Variants in CSMD1 observed in about 807,000 individuals in gnomAD.
CSMD1 encodes CUB and Sushi multiple domains 1, also known as CUB and sushi domain-containing protein 1.
CSMD1 carries 213 observed loss-of-function variants against 417.5 expected under a neutral mutation model. The observed-to-expected ratio is 0.51, with a 90% CI of 0.46 to 0.57. The LOEUF is 0.57. Among genes scored for constraint, CSMD1 ranks in the 20% least tolerant of loss-of-function variants. The pLI is 0.00. For synonymous variants in CSMD1, 2,862 were observed against 1,736.8 expected (o/e 1.65, Z -16.11); for missense variants, 6,923 against 4,529.7 (o/e 1.53, Z -15.17).
chr8:3,952,700 A>C (rs1811670681), intron 5 of CSMD1, among the ~76,000 whole-genome samples: 1 of 152,234 alleles, frequency 6.6e-6, no homozygotes, highest in Admixed American at 6.5e-5. Context: ...AGCATTGTGA[A>C]TACACTAGAT....
intron 3 of CSMD1, among the ~76,000 whole-genome samples, chr8:4,332,345 A>T (rs1291599343): frequency 6.6e-6 from 1 of 152,084 alleles, no homozygotes; most frequent in African/African-American, 2.4e-5. Flanking sequence ...AAAACGCTGA[A>T]AAAGGAAGAC....
At chr8:3,291,052 C>G (rs988809102) in intron 25 of CSMD1, among the ~76,000 whole-genome samples, 15 of 152,130 alleles carry the variant, frequency 9.9e-5, no homozygotes, top group Admixed American at 2.6e-4. Context: ...TGAATTTTGT[C>G]AAAGGCCTTT....
chr8:4,164,090 TATC>T (rs1797318411), intron 3 of CSMD1, among the ~76,000 whole-genome samples: 1 of 147,716 alleles, frequency 6.8e-6, no homozygotes, highest in South Asian at 2.2e-4. Context: ...CTCCAATACT[TATC>T]ATGTTTTTAA....
chr8:3,669,889 C>G (rs1164680800), intron 7 of CSMD1, among the ~76,000 whole-genome samples: 1 of 152,110 alleles, frequency 6.6e-6, no homozygotes, highest in Non-Finnish European at 1.5e-5. Context: ...GCACCTCCTT[C>G]CTTCTTCTTT....
rs57382543 is a variant in CSMD1 at position 3,155,357 on chromosome 8, G to C, written c.5914+2540C>G. ...ATTTTTTCCTTCCAAATCAAGGCTG[G>C]GATTTTTTTTTTTTTTTTTTTTTTT... is the stretch of plus-strand genomic sequence containing the variant. On this transcript the variant is annotated intron_variant, in intron 39 of 69. Transcript: ENST00000635120. 6.5e-3 allele frequency among the ~76,000 whole-genome samples: 385 copies of C among 59,130 alleles called. 20 individuals carry two copies. The South Asian group carries it at 0.1, about 16-fold the overall frequency. The allele number at this position is 59,130 out of a possible 152,430, so 38.8% of individuals were successfully genotyped here.
At chr8:3,383,434 G>C (rs553756938) in intron 18 of CSMD1, among the ~76,000 whole-genome samples, 16 of 149,096 alleles carry the variant, frequency 1.1e-4, no homozygotes, top group East Asian at 2.0e-4. Context: ...CTCATGCATG[G>C]AGGGAAGCCT....
intron 5 of CSMD1, among the ~76,000 whole-genome samples, chr8:3,789,353 T>C (rs1449748772): frequency 6.6e-6 from 1 of 151,608 alleles, no homozygotes; most frequent in Non-Finnish European, 1.5e-5. Flanking sequence ...GTAACTTGTG[T>C]CTGCTTGTAT....
intron 3 of CSMD1, among the ~76,000 whole-genome samples, chr8:4,237,562 T>G (rs1239257039): frequency 6.6e-6 from 1 of 151,334 alleles, no homozygotes; most frequent in Non-Finnish European, 1.5e-5. Flanking sequence ...TGAGTTGGAG[T>G]CTTGCTCTGT....
At chr8:3,950,479 A>G (rs1811528890) in intron 5 of CSMD1, among the ~76,000 whole-genome samples, 1 of 152,202 alleles carries the variant, frequency 6.6e-6, no homozygotes, top group Non-Finnish European at 1.5e-5. Context: ...ATGCACAAAC[A>G]TAACACGCCC....
intron 2 of CSMD1, among the ~76,000 whole-genome samples, chr8:4,461,274 T>A (rs902171048): frequency 6.6e-6 from 1 of 152,060 alleles, no homozygotes; most frequent in African/African-American, 2.4e-5. Flanking sequence ...ACAGTTAACA[T>A]TGTATTTAAT....
chr8:4,749,982 C>T (rs934779971), intron 1 of CSMD1, among the ~76,000 whole-genome samples: 6 of 151,636 alleles, frequency 4.0e-5, no homozygotes, highest in African/African-American at 7.3e-5. Flanking sequence ...TAATAAAACC[C>T]TTGTTTAATT....
rs540936165 is a variant in CSMD1 at position 4,145,345 on chromosome 8, T to C, written c.416-113246A>G. 2.1e-4 allele frequency among the ~76,000 whole-genome samples: 32 copies of C among 151,170 alleles called. No individual in the cohort carries two copies. The South Asian group carries it at 6.4e-3, about 30-fold the overall frequency. Reference sequence around the variant, plus strand: ...TTTTGAGGAAAAAAATGATCCAATATGTCAGAAAGATCTGGAAAAATGTCC... The same window carrying C: ...TTTTGAGGAAAAAAATGATCCAATACGTCAGAAAGATCTGGAAAAATGTCC... On this transcript the variant is annotated intron_variant, in intron 3 of 69. Coordinates refer to ENST00000635120, the MANE Select transcript of CSMD1 (RefSeq NM_033225.6).
chr8:3,967,433 C>G (rs1257336562), intron 5 of CSMD1, among the ~76,000 whole-genome samples: 1 of 145,564 alleles, frequency 6.9e-6, no homozygotes. Flanking sequence ...TTTCAAAGTC[C>G]TCATTCAGGA....
intron 7 of CSMD1, among the ~76,000 whole-genome samples, chr8:3,708,070 C>T (rs1470128895): frequency 6.6e-6 from 1 of 152,188 alleles, no homozygotes; most frequent in Non-Finnish European, 1.5e-5. Flanking sequence ...TTGCAGAGAT[C>T]AGTCTGGTCT....
chr8:4,131,356 C>T (rs1463160057), intron 3 of CSMD1, among the ~76,000 whole-genome samples: 2 of 152,118 alleles, frequency 1.3e-5, no homozygotes, highest in Non-Finnish European at 2.9e-5. Flanking sequence ...GACACCTACA[C>T]GCTCCTCAAA....
chr8:3,591,894 C>A (rs1260127842), intron 8 of CSMD1, among the ~76,000 whole-genome samples: 1 of 151,540 alleles, frequency 6.6e-6, no homozygotes. Flanking sequence ...TGACAGATAG[C>A]TGGATGGAGG....
At chr8:3,065,070 G>C (rs1812832271) in intron 49 of CSMD1, among the ~76,000 whole-genome samples, 1 of 151,998 alleles carries the variant, frequency 6.6e-6, no homozygotes, top group African/African-American at 2.4e-5. Context: ...TAAACAAACA[G>C]ATGTACCTGG....
chr8:3,245,548 A>C (rs570363556), intron 26 of CSMD1, among the ~76,000 whole-genome samples: 37 of 152,342 alleles, frequency 2.4e-4, no homozygotes, highest in African/African-American at 8.4e-4. Flanking sequence ...TTAGGATCTG[A>C]GGCCATCTCT....
intron 3 of CSMD1, among the ~76,000 whole-genome samples, chr8:4,188,826 G>C (rs948635711): frequency 2.0e-5 from 3 of 149,758 alleles, no homozygotes; most frequent in African/African-American, 4.9e-5. Flanking sequence ...TGGTAATTGG[G>C]AGGGATATTA....
Sources: allele counts gnomAD v4.1 joint callset (sites outside exome capture counted in the v4.1 genomes callset), GRCh38; gene constraint gnomAD v4.1.1; transcripts MANE v1.5; gene names NCBI Gene and HGNC (gene_info 2026-07-23, HGNC 2026-07-21).